Variants in ARHGEF18 observed in about 807,000 individuals in gnomAD.
ARHGEF18 encodes the protein Rho/Rac guanine nucleotide exchange factor 18.
In ARHGEF18, 93 loss-of-function variants were observed where a neutral mutation model predicts 155.7. The ratio of observed to expected loss-of-function variants is 0.60; its 90% CI spans 0.50 to 0.71. The LOEUF is 0.71. Among genes scored for constraint, ARHGEF18 ranks in the 30% least tolerant of loss-of-function variants. ARHGEF18 has a pLI of 0.00. For missense variants in ARHGEF18, 1,593 were observed against 1,816.1 expected (o/e 0.88, Z 2.23); for synonymous variants, 742 against 753.1 (o/e 0.99, Z 0.24).
intron 26 of ARHGEF18, 79 bp downstream of exon 26, chr19:7,467,763 C>T: frequency 7.3e-7 from 1 of 1,365,076 alleles, no homozygotes; most frequent in Non-Finnish European, 9.5e-7. Context: ...ATGCAGGTGA[C>T]AGGGTTCGCG....
chr19:7,475,396 G>A (rs1227634663), downstream of ARHGEF18, among the ~76,000 whole-genome samples: 2 of 152,140 alleles, frequency 1.3e-5, no homozygotes, highest in Non-Finnish European at 1.5e-5. Flanking sequence ...TTTCTCTCTG[G>A]GGTGATGGAA....
chr19:7,361,990 TGGAAGAAGAAGAAGA>T (rs1169821727), intron 1 of ARHGEF18, among the ~76,000 whole-genome samples: 1 of 111,064 alleles, frequency 9.0e-6, no homozygotes, highest in African/African-American at 4.7e-5. Flanking sequence ...CAAGACTCTG[TGGAAGAAGAAGAAGA>T]AGAAGAAGAA....
rs1222306133 is a variant in ARHGEF18, at chr19:7,467,600, C to G, written c.3396C>G (p.Arg1132=). Residue 1132 remains arginine (R), a synonymous_variant, in exon 26 of 29, where the codon CGC becomes CGG. Coordinates refer to ENST00000668164, the MANE Select transcript of ARHGEF18 (RefSeq NM_001367823.1). The part of the protein sequence containing the change: ...RLREAQRAVE[R]ERERLELLRR... ...GCGAGGCCCAGCGTGCCGTGGAGCG[C>G]GAGCGGGAGCGCCTGGAGCTGCTGC... 26 of 1,508,710 alleles carry G rather than the reference C, an allele frequency of 1.7e-5. No homozygotes were observed. The highest frequency in any genetic ancestry group is 2.5e-5 in the South Asian group (2 of 81,396). The allele number at this position is 1,508,710 out of a possible 1,614,324, so 93.5% of individuals were successfully genotyped here.
At chr19:7,405,257 C>T (rs925889687) in intron 10 of ARHGEF18, among the ~76,000 whole-genome samples, 5 of 152,228 alleles carry the variant, frequency 3.3e-5, no homozygotes, top group African/African-American at 4.8e-5. Context: ...CCGCGCCCAG[C>T]GACCTCTTCC....
chr19:7,412,834 T>C (rs1164293916), intron 10 of ARHGEF18, among the ~76,000 whole-genome samples: 1 of 152,062 alleles, frequency 6.6e-6, no homozygotes, highest in Non-Finnish European at 1.5e-5. Context: ...TGACTACTGA[T>C]GTTGAGCGTC....
intron 1 of ARHGEF18, among the ~76,000 whole-genome samples, chr19:7,349,822 G>C (rs778766177): frequency 3.3e-5 from 5 of 152,132 alleles, no homozygotes; most frequent in Non-Finnish European, 5.9e-5. Flanking sequence ...ACAGGAGACA[G>C]AGAATGAATG....
chr19:7,417,515 T>C (rs544163166), intron 10 of ARHGEF18, among the ~76,000 whole-genome samples: 1 of 152,196 alleles, frequency 6.6e-6, no homozygotes, highest in South Asian at 2.1e-4. Context: ...CTGGCCAACA[T>C]GGCAAAACCC....
chr19:7,445,347 C>T (rs551050024), intron 14 of ARHGEF18, among the ~76,000 whole-genome samples: 1 of 152,256 alleles, frequency 6.6e-6, no homozygotes, highest in Admixed American at 6.5e-5. Flanking sequence ...ACTCAGGAGG[C>T]TGAGGTGGGA....
At chr19:7,408,085 C>T (rs1205313578) in intron 10 of ARHGEF18, among the ~76,000 whole-genome samples, 3 of 151,838 alleles carry the variant, frequency 2.0e-5, no homozygotes, top group African/African-American at 7.3e-5. Flanking sequence ...TGGAGACCAG[C>T]CTGGGTAACG....
intron 10 of ARHGEF18, among the ~76,000 whole-genome samples, chr19:7,385,896 C>G (rs1971023469): frequency 1.4e-5 from 1 of 69,288 alleles, no homozygotes; most frequent in African/African-American, 1.2e-4. Context: ...CCCTCCCTCC[C>G]TCTCTCTCTC....
chr19:7,433,507 C>CAAA (rs35825715), intron 10 of ARHGEF18, among the ~76,000 whole-genome samples: 1,381 of 58,084 alleles, frequency 0.024, 9 homozygotes, highest in East Asian at 0.038. Flanking sequence ...ACTCCGTCTC[C>CAAA]AAAAAAAAAA....
chr19:7,426,120 G>A (rs761797101), intron 10 of ARHGEF18, among the ~76,000 whole-genome samples: 12 of 151,888 alleles, frequency 7.9e-5, no homozygotes, highest in Non-Finnish European at 1.3e-4. Flanking sequence ...TGGAGACTGT[G>A]GTGAGCCATG....
intron 10 of ARHGEF18, among the ~76,000 whole-genome samples, chr19:7,394,274 G>A (rs536248072): frequency 2.6e-5 from 4 of 152,204 alleles, no homozygotes; most frequent in Admixed American, 1.3e-4. Context: ...ATGTTTTGTA[G>A]AGATGGGGTC....
chr19:7,466,769 A>C (rs1320743539), intron 23 of ARHGEF18, 149 bp from the exon 24 acceptor site: 1 of 785,268 alleles, frequency 1.3e-6, no homozygotes, highest in African/African-American at 2.0e-5. Context: ...GCGCCACTGC[A>C]CTCCAGCTTG....
In ARHGEF18 at chr19:7,467,254, G is replaced by A. The variant is rs924173926; in HGVS notation, c.3050G>A (p.Arg1017Gln). 2.5e-6 allele frequency: 4 copies of A among 1,572,302 alleles called. No individual in the cohort carries two copies. The highest frequency in any genetic ancestry group is 2.6e-6 in the Non-Finnish European group (3 of 1,160,440). Residue 1017 changes from arginine to glutamine, a missense_variant, in exon 26 of 29, where the codon CGG becomes CAG. Arg to Gln is a conservative substitution (Grantham distance 43, BLOSUM62 1). Coordinates refer to ENST00000668164, the MANE Select transcript of ARHGEF18 (RefSeq NM_001367823.1). ...CAGGACAGCTATGTGGAGACGCAGC[G>A]GGCTGCCATCCAGGAGCGGGAGAAG... ...AHQDSYVETQ[R>Q]AAIQEREKQF...
At chr19:7,362,075 AG>A (rs1969611124) in intron 1 of ARHGEF18, among the ~76,000 whole-genome samples, 3 of 22,828 alleles carry the variant, frequency 1.3e-4, no homozygotes, top group African/African-American at 3.1e-4. Flanking sequence ...GAGAAGGAGA[AG>A]GAGAAGGAGA....
At chr19:7,350,814 G>GGAGAGAGAATCT (rs1969140000) in intron 1 of ARHGEF18, among the ~76,000 whole-genome samples, 1 of 145,076 alleles carries the variant, frequency 6.9e-6, no homozygotes, top group African/African-American at 2.6e-5. Context: ...GTGTGTGTGT[G>GGAGAGAGAATCT]TGTGTTGGAG....
rs1173644851 is a variant in ARHGEF18 at position 7,431,020 on chromosome 19, A to G, written c.968-9324A>G. On this transcript the variant is annotated intron_variant, in intron 10 of 28. Coordinates refer to ENST00000668164, the MANE Select transcript of ARHGEF18 (RefSeq NM_001367823.1). ...CATCTCTAAATTAGCCAGGTGTGATAGCACACACCTATGGTCCCAGCTATT... is the reference window on the plus strand; with the variant it reads ...CATCTCTAAATTAGCCAGGTGTGATGGCACACACCTATGGTCCCAGCTATT... Among the ~76,000 whole-genome samples the G allele has an allele frequency of 2.0e-5, 3 of 151,608 alleles. No homozygotes were observed. The East Asian group carries it at 5.9e-4, about 30-fold the overall frequency.
intron 18 of ARHGEF18, among the ~76,000 whole-genome samples, chr19:7,458,044 T>C (rs1030923634): frequency 2.0e-5 from 3 of 152,038 alleles, no homozygotes; most frequent in Non-Finnish European, 4.4e-5. Context: ...CTCAGCACTT[T>C]GGGAGGCCGA....
Sources: allele counts gnomAD v4.1 joint callset (sites outside exome capture counted in the v4.1 genomes callset), GRCh38; gene constraint gnomAD v4.1.1; transcripts MANE v1.5; gene names NCBI Gene and HGNC (gene_info 2026-07-23, HGNC 2026-07-21).